The following CACNA2D4 variants were observed in gnomAD, a reference collection of about 807,000 sequenced individuals.
The protein encoded by CACNA2D4 is voltage-dependent calcium channel subunit alpha-2/delta-4.
CACNA2D4 carries 157 observed loss-of-function variants against 163.8 expected under a neutral mutation model. The observed-to-expected ratio is 0.96, with a 90% CI of 0.84 to 1.09. The LOEUF (loss-of-function observed/expected upper bound fraction) is 1.09. CACNA2D4 is among the 50% of genes least tolerant of loss of function. CACNA2D4 has a pLI of 0.00. For missense variants in CACNA2D4, 1,410 were observed against 1,479.9 expected, an observed-to-expected ratio of 0.95 and a Z score of 0.78; for synonymous variants, 598 against 586.9, an observed-to-expected ratio of 1.02 and a Z score of -0.27.
intron 18 of CACNA2D4, 87 bp from the exon 19 acceptor site, chr12:1,860,293 A>T: frequency 1.1e-6 from 1 of 948,836 alleles, no homozygotes; most frequent in Non-Finnish European, 1.7e-6. Flanking sequence ...TGGGGTCTTC[A>T]TCGTCACTGT....
Position 1,854,159 on chromosome 12 carries a change from T to C in CACNA2D4, c.2153-115A>G, listed in dbSNP as rs57545415. 2.0e-5 allele frequency: 14 copies of C among 687,608 alleles called. No individual in the cohort carries two copies. In the East Asian group the frequency reaches 3.3e-4, roughly 16 times the overall value. 42.6% of individuals were successfully genotyped at this position (687,608 alleles called of 1,614,324 possible). The stretch of plus-strand genomic sequence containing the variant: ...GCTTCCTGAACGTGTCTATGGGACA[T>C]GTAAAACTATCTCTGTGAGCTTGAG... On this transcript the variant is annotated intron_variant, in intron 22 of 37. Transcript: ENST00000382722.
chr12:1,856,737 A>G (rs1343158766), intron 20 of CACNA2D4, among the ~76,000 whole-genome samples: 1 of 152,212 alleles, frequency 6.6e-6, no homozygotes, highest in Non-Finnish European at 1.5e-5. Context: ...CTCTCACCTA[A>G]CACAGAGCCA....
intron 13 of CACNA2D4, 76 bp from the exon 14 acceptor site, chr12:1,879,957 G>A: frequency 1.1e-6 from 1 of 930,416 alleles, no homozygotes; most frequent in South Asian, 1.5e-5. Flanking sequence ...AGCACCCAGT[G>A]CGGAGAACCC....
intron 20 of CACNA2D4, among the ~76,000 whole-genome samples, chr12:1,856,962 G>T (rs1865414514): frequency 6.6e-6 from 1 of 152,224 alleles, no homozygotes; most frequent in Admixed American, 6.5e-5. Flanking sequence ...GAGCTCCCTT[G>T]CCCACAGAAG....
intron 4 of CACNA2D4, 126 bp downstream of exon 4, chr12:1,909,780 G>C: frequency 1.3e-6 from 1 of 743,748 alleles, no homozygotes; most frequent in East Asian, 2.7e-5. Flanking sequence ...CCTGTGAGGG[G>C]TGAGCAGTAA....
chr12:1,822,414 T>G (rs897639135), intron 26 of CACNA2D4, among the ~76,000 whole-genome samples: 1 of 151,990 alleles, frequency 6.6e-6, no homozygotes, highest in Non-Finnish European at 1.5e-5. Flanking sequence ...TCCTCCTTTT[T>G]CCCCCAGCCA....
chr12:1,812,869 C>T (rs34885511), intron 26 of CACNA2D4, among the ~76,000 whole-genome samples: 6 of 152,200 alleles, frequency 3.9e-5, no homozygotes, highest in East Asian at 1.9e-4. Flanking sequence ...GAAACGGGAA[C>T]GGATGTGGCT....
rs200465296 is a variant in CACNA2D4, at chr12:1,820,546, C to CCT, written c.2552-8825_2552-8824dup. The CCT allele has an allele frequency of 2.0e-5, 3 of 152,356 alleles. No homozygotes were observed. Among genetic ancestry groups the CCT allele is most frequent in the East Asian group, 1.9e-4 (1 of 5,166 alleles). The allele number at this position is 152,356 out of a possible 1,614,324, so 9.4% of individuals were successfully genotyped here. On this transcript the variant is annotated intron_variant, in intron 26 of 37. Coordinates refer to ENST00000382722, the MANE Select transcript of CACNA2D4 (RefSeq NM_172364.5). This position sits in a 1 kb window ranked among gnomAD's most constrained non-coding sequence, Gnocchi z 6.0. ...TCCCTCGCCCCTTTCTTCCCTCTCT[C>CCT]CTCTCTCTCTCTCCCTCCATCCCTC...
chr12:1,909,251 G>A (rs1476521085), intron 4 of CACNA2D4, among the ~76,000 whole-genome samples: 4 of 152,350 alleles, frequency 2.6e-5, no homozygotes, highest in South Asian at 4.1e-4. Flanking sequence ...GAGTGCAGTG[G>A]CGCGATCTCG....
In CACNA2D4 at chr12:1,792,410, A is replaced by T. The variant is rs1449642983; in HGVS notation, c.*1245T>A. 1.3e-5 allele frequency: 2 copies of T among 152,190 alleles called. No homozygotes were observed. The highest frequency in any genetic ancestry group is 2.9e-5 in the Non-Finnish European group (2 of 68,074). 9.4% of individuals were successfully genotyped at this position (152,190 alleles called of 1,614,324 possible). ...CTGGTAGGAAACTTGAACAGCTTTGAACTTGAACTTTGAAGTGTGGAGGCT... is the reference window on the plus strand; with the variant it reads ...CTGGTAGGAAACTTGAACAGCTTTGTACTTGAACTTTGAAGTGTGGAGGCT... On this transcript the variant is annotated 3_prime_UTR_variant, in exon 38 of 38. Coordinates refer to ENST00000382722, the MANE Select transcript of CACNA2D4 (RefSeq NM_172364.5).
chr12:1,826,127 A>G (rs1592681559), intron 26 of CACNA2D4, among the ~76,000 whole-genome samples: 1 of 152,002 alleles, frequency 6.6e-6, no homozygotes, highest in South Asian at 2.1e-4. Context: ...GTCACAATAG[A>G]CCTGCTGCTG....
chr12:1,826,388 T>C (rs912688811), intron 26 of CACNA2D4, among the ~76,000 whole-genome samples: 1 of 146,294 alleles, frequency 6.8e-6, no homozygotes. Flanking sequence ...GGACCAGAGA[T>C]TTGAACCCAG....
chr12:1,821,215 G>A (rs563260638), intron 26 of CACNA2D4, among the ~76,000 whole-genome samples: 117 of 152,334 alleles, frequency 7.7e-4, no homozygotes, highest in African/African-American at 2.5e-3. Context: ...CATGGGAAGC[G>A]GTTGGGATGG....
At chr12:1,849,245 TTGA>T (rs1865221947) in intron 23 of CACNA2D4, among the ~76,000 whole-genome samples, 1 of 152,246 alleles carries the variant, frequency 6.6e-6, no homozygotes, top group Admixed American at 6.5e-5. Context: ...TGAGTTCAAA[TTGA>T]TATTTCTAAT....
At chr12:1,831,065 G>A (rs1864603647) in intron 26 of CACNA2D4, 1 of 1,613,936 alleles carries the variant, frequency 6.2e-7, no homozygotes, top group Non-Finnish European at 8.5e-7. Flanking sequence ...CCCCAGACGT[G>A]CCCGCAGCCA....
chr12:1,892,512 C>T (rs912433111), intron 6 of CACNA2D4, among the ~76,000 whole-genome samples: 4 of 152,064 alleles, frequency 2.6e-5, no homozygotes, highest in African/African-American at 9.7e-5. Flanking sequence ...AGAGTAAGGA[C>T]TCAAATGTTA....
chr12:1,845,986 C>G (rs1865135165), intron 24 of CACNA2D4, among the ~76,000 whole-genome samples: 1 of 152,154 alleles, frequency 6.6e-6, no homozygotes, highest in South Asian at 2.1e-4. Context: ...GTGTGGAGGC[C>G]TAAGTCTTCC....
Position 1,883,596 on chromosome 12 carries a change from A to C in CACNA2D4, c.1352-596T>G, listed in dbSNP as rs142316856. Among the ~76,000 whole-genome samples the C allele has an allele frequency of 1.1e-3, 166 of 151,990 alleles. No individual in the cohort carries two copies. Among genetic ancestry groups the C allele is most frequent in the African/African-American group, 4.0e-3 (164 of 41,460 alleles). ...ATCCCCCTCGCCAGTGAGATGCAGC[A>C]CCTCTCTGCTCCCAGCAGGTCTCAG... On this transcript the variant is annotated intron_variant, in intron 12 of 37. Transcript: ENST00000382722. The surrounding 1 kb of genome is among the most constrained non-coding windows in gnomAD (Gnocchi z 4.5).
chr12:1,830,766 T>C (rs566917154), intron 26 of CACNA2D4, among the ~76,000 whole-genome samples: 1 of 152,358 alleles, frequency 6.6e-6, no homozygotes, highest in South Asian at 2.1e-4. Context: ...TGGCTTTGGA[T>C]TTGTTAATTA....
Sources: allele counts gnomAD v4.1 joint callset (sites outside exome capture counted in the v4.1 genomes callset), GRCh38; gene constraint gnomAD v4.1.1; non-coding constraint Gnocchi (gnomAD v3.1); transcripts MANE v1.5; gene names NCBI Gene and HGNC (gene_info 2026-07-23, HGNC 2026-07-21).